The following ACTR3C variants were observed in gnomAD, a reference collection of about 807,000 sequenced individuals.
ACTR3C encodes actin related protein 3C, also known as actin-related protein 3C.
Under a neutral mutation model 26.3 loss-of-function variants are expected in ACTR3C, and 18 were observed. The observed-to-expected ratio is 0.68, with a 90% CI of 0.47 to 1.01. The LOEUF is 1.01. Among genes scored for constraint, ACTR3C ranks in the 50% least tolerant of loss-of-function variants. The probability of loss-of-function intolerance (pLI) is 0.00; values close to 1 mark genes in which losing one functional copy is unlikely to be tolerated. For synonymous variants in ACTR3C, 55 were observed against 94.5 expected (o/e 0.58, Z 2.42); for missense variants, 184 against 250.7 (o/e 0.73, Z 1.80).
At chr7:150,164,366 A>G in the ACTR3C span, among the ~76,000 whole-genome samples, 1 of 152,152 alleles carries the variant, frequency 6.6e-6, no homozygotes, top group Non-Finnish European at 1.5e-5. Context: ...CAGTGATGAA[A>G]AGTGGTCAGA....
chr7:150,129,067 A>C, the ACTR3C span, among the ~76,000 whole-genome samples: 1,309 of 151,420 alleles, frequency 8.6e-3, 11 homozygotes, highest in African/African-American at 0.03. Flanking sequence ...AGAGACCTGC[A>C]GCACAGTCCT....
At chr7:150,181,817 C>T in the ACTR3C span, among the ~76,000 whole-genome samples, 1 of 150,450 alleles carries the variant, frequency 6.6e-6, no homozygotes, top group Admixed American at 6.6e-5. Context: ...GATGAGATTA[C>T]CCCTACAAAA....
At chr7:150,234,968 C>T in the ACTR3C span, among the ~76,000 whole-genome samples, 2 of 152,182 alleles carry the variant, frequency 1.3e-5, no homozygotes, top group Non-Finnish European at 2.9e-5. Flanking sequence ...ATCTCCTTAG[C>T]CATGTAGCCA....
chr7:150,100,055 T>G, the ACTR3C span, among the ~76,000 whole-genome samples: 1 of 151,690 alleles, frequency 6.6e-6, no homozygotes. Flanking sequence ...CCAAAATAAC[T>G]TCTCTAGGTC....
the ACTR3C span, among the ~76,000 whole-genome samples, chr7:149,934,606 C>G: frequency 2.0e-5 from 3 of 151,800 alleles, no homozygotes; most frequent in Non-Finnish European, 4.4e-5. Flanking sequence ...TTCCCATTCC[C>G]AAGACACTCC....
the ACTR3C span, among the ~76,000 whole-genome samples, chr7:149,904,003 C>G: frequency 2.7e-5 from 3 of 110,164 alleles, no homozygotes; most frequent in African/African-American, 7.7e-5. Context: ...TCACTGCAAC[C>G]TCCACTCCCA....
chr7:150,144,874 C>G, the ACTR3C span, among the ~76,000 whole-genome samples: 5 of 151,946 alleles, frequency 3.3e-5, no homozygotes, highest in South Asian at 1.0e-3. This position sits in a 1 kb window ranked among gnomAD's most constrained non-coding sequence, Gnocchi z 4.6. Flanking sequence ...ATAGTGAAAC[C>G]CCGTCTCTAC....
the ACTR3C span, among the ~76,000 whole-genome samples, chr7:149,904,970 G>A: frequency 8.6e-5 from 13 of 151,918 alleles, no homozygotes; most frequent in East Asian, 2.3e-3. Context: ...AGGTTGCAAT[G>A]AGCCGAGATC....
chr7:150,236,321 T>C, the ACTR3C span, among the ~76,000 whole-genome samples: 3 of 152,222 alleles, frequency 2.0e-5, no homozygotes, highest in South Asian at 4.1e-4. Context: ...TCATCAATAT[T>C]TTCTGAATGC....
the ACTR3C span, among the ~76,000 whole-genome samples, chr7:149,962,384 C>T: frequency 6.6e-6 from 1 of 152,108 alleles, no homozygotes. Context: ...AAAATTAGAT[C>T]CACACACCAT....
In ACTR3C at chr7:150,272,101, C is replaced by T. The variant is rs189160243; in HGVS notation, c.564+12652G>A. Among the ~76,000 whole-genome samples the T allele has an allele frequency of 2.2e-4, 32 of 147,010 alleles. No individual in the cohort carries two copies. In the East Asian group the frequency reaches 6.1e-3, roughly 28 times the overall value. On this transcript the variant is annotated intron_variant, in intron 6 of 7. Transcript: ENST00000683684. The stretch of plus-strand genomic sequence containing the variant: ...AACCACAACAAAGTCGGTTTGAAGC[C>T]TCTCAGCCATGCCTACGACAAACCA...
the ACTR3C span, among the ~76,000 whole-genome samples, chr7:150,066,023 C>T: frequency 2.0e-5 from 3 of 152,166 alleles, no homozygotes; most frequent in African/African-American, 7.2e-5. Flanking sequence ...AGAATAATCA[C>T]AAAATAATAA....
chr7:149,932,727 G>T, the ACTR3C span, among the ~76,000 whole-genome samples: 2 of 150,942 alleles, frequency 1.3e-5, no homozygotes, highest in Admixed American at 1.3e-4. Context: ...TGGAGGGGAG[G>T]GGAGGGAAGG....
At chr7:150,115,442 A>T in the ACTR3C span, among the ~76,000 whole-genome samples, 1 of 152,220 alleles carries the variant, frequency 6.6e-6, no homozygotes, top group African/African-American at 2.4e-5. Flanking sequence ...GCTACAGAGG[A>T]TGTCATGCTA....
the ACTR3C span, among the ~76,000 whole-genome samples, chr7:150,025,066 A>G: frequency 6.6e-6 from 1 of 151,200 alleles, no homozygotes; most frequent in African/African-American, 2.4e-5. Context: ...TTCAAAGAAG[A>G]GCCTTTCTCA....
the ACTR3C span, among the ~76,000 whole-genome samples, chr7:149,999,296 CT>C: frequency 6.6e-6 from 1 of 150,920 alleles, no homozygotes; most frequent in Non-Finnish European, 1.5e-5. Flanking sequence ...ATTCGATCAT[CT>C]GTTTTACATT....
intron 6 of ACTR3C, among the ~76,000 whole-genome samples, chr7:150,264,021 C>G (rs1195499366): frequency 6.6e-6 from 1 of 152,224 alleles, no homozygotes; most frequent in South Asian, 2.1e-4. Flanking sequence ...CAGATCATCC[C>G]TCAGGCGTCC....
the ACTR3C span, among the ~76,000 whole-genome samples, chr7:150,080,925 A>G: frequency 6.6e-6 from 1 of 152,244 alleles, no homozygotes; most frequent in East Asian, 1.9e-4. Flanking sequence ...CTATTACTAA[A>G]TCAATAATAA....
the ACTR3C span, among the ~76,000 whole-genome samples, chr7:150,036,357 AC>A: frequency 3.7e-3 from 542 of 147,610 alleles, 7 homozygotes; most frequent in African/African-American, 0.013. Flanking sequence ...TTGTTTAGAG[AC>A]GTAGGCTACG....
Sources: gnomAD v4.1 joint callset for allele counts (sites outside exome capture counted in the v4.1 genomes callset) on GRCh38, gnomAD v4.1.1 for gene constraint, Gnocchi (gnomAD v3.1) non-coding constraint, MANE v1.5 for transcripts, NCBI Gene and HGNC (gene_info 2026-07-23, HGNC 2026-07-21) for gene names.